CNTN5: variants seen among roughly 807,000 people sequenced by gnomAD.
CNTN5 encodes contactin-5.
Under a neutral mutation model 129.1 loss-of-function variants are expected in CNTN5, and 77 were observed. The ratio of observed to expected loss-of-function variants is 0.60; its 90% CI spans 0.50 to 0.72. The LOEUF is 0.72. Ranked by LOEUF, CNTN5 falls within the 30% of genes least tolerant of loss-of-function variation. The pLI is 0.00. For missense variants in CNTN5, 1,478 were observed against 1,328.8 expected (o/e 1.11, Z -1.75); for synonymous variants, 509 against 465.6 (o/e 1.09, Z -1.20).
At chr11:99,379,876 G>A (rs11219685) in intron 2 of CNTN5, among the ~76,000 whole-genome samples, 34,897 of 151,802 alleles carry the variant, frequency 0.23, 4,786 homozygotes, top group Middle Eastern at 0.32. Context: ...ATATGTATGT[G>A]TGTGAATACA....
chr11:99,330,283 C>T (rs1412246807), intron 2 of CNTN5, among the ~76,000 whole-genome samples: 1 of 146,834 alleles, frequency 6.8e-6, no homozygotes, highest in African/African-American at 2.5e-5. Flanking sequence ...GGGGGAAGAG[C>T]GGGAAGGAGA....
At chr11:99,524,772 C>T (rs1326250578) in intron 2 of CNTN5, among the ~76,000 whole-genome samples, 1 of 151,130 alleles carries the variant, frequency 6.6e-6, no homozygotes, top group African/African-American at 2.4e-5. Flanking sequence ...CACTGCACTC[C>T]AGCCTGGGCG....
chr11:99,577,432 G>T (rs1167055567), intron 3 of CNTN5, among the ~76,000 whole-genome samples: 1 of 152,114 alleles, frequency 6.6e-6, no homozygotes, highest in African/African-American at 2.4e-5. Flanking sequence ...AATGTTTAGA[G>T]AAAGCATGGA....
chr11:99,439,054 C>T (rs1008219649), intron 2 of CNTN5, among the ~76,000 whole-genome samples: 2 of 152,118 alleles, frequency 1.3e-5, no homozygotes, highest in African/African-American at 4.8e-5. Flanking sequence ...GTAATATGTG[C>T]CATTTATCTT....
chr11:100,266,127 A>G (rs1344822018), intron 17 of CNTN5, among the ~76,000 whole-genome samples: 2 of 152,086 alleles, frequency 1.3e-5, no homozygotes, highest in Non-Finnish European at 2.9e-5. Context: ...TGGGTGGCTC[A>G]TACTTGTGGT....
At chr11:99,249,650 AT>A (rs1390963774) in intron 1 of CNTN5, among the ~76,000 whole-genome samples, 1 of 151,998 alleles carries the variant, frequency 6.6e-6, no homozygotes, top group African/African-American at 2.4e-5. Context: ...CAATGTAGAG[AT>A]TTTTATGATT....
At chr11:100,213,771 C>T (rs577146991) in intron 15 of CNTN5, among the ~76,000 whole-genome samples, 78 of 152,186 alleles carry the variant, frequency 5.1e-4, no homozygotes, top group Non-Finnish European at 1.0e-3. Flanking sequence ...TTAGCTTTTT[C>T]TGACATTGAT....
chr11:99,103,334 C>T (rs943773774), intron 1 of CNTN5, among the ~76,000 whole-genome samples: 2 of 152,146 alleles, frequency 1.3e-5, no homozygotes, highest in African/African-American at 4.8e-5. Flanking sequence ...TAGCACAGCA[C>T]CAAGGTGGTA....
intron 8 of CNTN5, among the ~76,000 whole-genome samples, chr11:99,991,603 A>G (rs12806622): frequency 0.38 from 57,660 of 152,036 alleles, 12,396 homozygotes; most frequent in African/African-American, 0.59. Context: ...TAAATCCCAG[A>G]TAGAGCTGAC....
intron 6 of CNTN5, among the ~76,000 whole-genome samples, chr11:99,858,070 C>A (rs976349819): frequency 1.3e-5 from 2 of 151,938 alleles, no homozygotes; most frequent in Admixed American, 6.6e-5. Flanking sequence ...CTCTTTCAGT[C>A]AGGTTTTTAA....
intron 6 of CNTN5, among the ~76,000 whole-genome samples, chr11:99,847,726 C>A (rs1177598779): frequency 6.6e-6 from 1 of 151,964 alleles, no homozygotes; most frequent in East Asian, 1.9e-4. Context: ...CAAATATGGG[C>A]AGTAGGGAGA....
chr11:99,888,773 T>A (rs188282096), intron 6 of CNTN5, among the ~76,000 whole-genome samples: 1 of 152,210 alleles, frequency 6.6e-6, no homozygotes, highest in East Asian at 1.9e-4. Flanking sequence ...AAAATCAAAA[T>A]CCTGAGAGGT....
chr11:99,793,678 G>T (rs1360269829), intron 3 of CNTN5, among the ~76,000 whole-genome samples: 1 of 151,854 alleles, frequency 6.6e-6, no homozygotes, highest in Non-Finnish European at 1.5e-5. Context: ...TTCATCATTT[G>T]CCCAGAAGTC....
At position 99,819,901 on chromosome 11, in the gene CNTN5, G is replaced by A. The variant is rs543197690; in HGVS notation, c.277+136G>A. On this transcript the variant is annotated intron_variant, in intron 4 of 24. Transcript: ENST00000524871. ...CTCAACTCTGCTAAAAATGAAAGCA[G>A]GAGAGTTTTTAAAGCTGGGGTGAGC... The A allele has an allele frequency of 4.6e-4, 308 of 667,792 alleles. 1 individual carries two copies. In the African/African-American group the frequency reaches 5.2e-3, roughly 11 times the overall value. The allele number at this position is 667,792 out of a possible 1,614,324, so 41.4% of individuals were successfully genotyped here. A position where few individuals can be genotyped will look rare whatever the true frequency, so the allele number is the denominator to read the frequency against.
At chr11:100,070,709 G>A in intron 11 of CNTN5, 149 bp downstream of exon 11, 1 of 585,328 alleles carries the variant, frequency 1.7e-6, no homozygotes, top group South Asian at 2.7e-5. Context: ...AATGTTACGG[G>A]GATTAACTGA....
intron 16 of CNTN5, among the ~76,000 whole-genome samples, chr11:100,249,153 T>A (rs1010919677): frequency 1.3e-5 from 2 of 152,196 alleles, no homozygotes; most frequent in African/African-American, 4.8e-5. Flanking sequence ...TGTAGGTCTT[T>A]ATTTCATATT....
At chr11:99,154,149 T>C (rs975992274) in intron 1 of CNTN5, among the ~76,000 whole-genome samples, 1 of 152,086 alleles carries the variant, frequency 6.6e-6, no homozygotes, top group African/African-American at 2.4e-5. Context: ...TGTGACACTG[T>C]AGTGGGGTAC....
At position 100,221,449 on chromosome 11, in the gene CNTN5, A is replaced by C. The variant is rs112946883; in HGVS notation, c.1885-3243A>C. Among the ~76,000 whole-genome samples, 226 of 152,340 alleles carry C rather than the reference A, an allele frequency of 1.5e-3. 1 individual carries two copies. Among genetic ancestry groups the C allele is most frequent in the Middle Eastern group, 3.4e-3 (1 of 294 alleles). On this transcript the variant is annotated intron_variant, in intron 15 of 24. Transcript: ENST00000524871. ...GGCAGTCTTACGTTGGATGAGCAGG[A>C]TACTTAGTCAAAATGCGAGCTAAGA... is the stretch of plus-strand genomic sequence containing the variant.
chr11:99,450,605 G>A lies in CNTN5; in HGVS notation c.-70-105540G>A, dbSNP rs115930875. Among the ~76,000 whole-genome samples, 299 of 152,120 alleles carry A rather than the reference G, an allele frequency of 2.0e-3. 2 individuals are homozygous for A. The highest frequency in any genetic ancestry group is 6.8e-3 in the African/African-American group (281 of 41,522). ...AGGCCACCCCACTAACAATGAAAGA[G>A]TTAGAATTCAAACCCTGCCTAACTA... On this transcript the variant is annotated intron_variant, in intron 2 of 24. Coordinates refer to ENST00000524871, the MANE Select transcript of CNTN5 (RefSeq NM_014361.4).
Sources: allele counts gnomAD v4.1 joint callset (sites outside exome capture counted in the v4.1 genomes callset), GRCh38; gene constraint gnomAD v4.1.1; transcripts MANE v1.5; gene names NCBI Gene and HGNC (gene_info 2026-07-23, HGNC 2026-07-21).